Variants in ROCK2 observed in about 807,000 individuals in gnomAD.
The protein encoded by ROCK2 is rho-associated protein kinase 2.
Under a neutral mutation model 195.1 loss-of-function variants are expected in ROCK2, and 61 were observed. That is an observed-to-expected ratio of 0.31 (90% CI 0.25 to 0.39). The LOEUF (loss-of-function observed/expected upper bound fraction) is 0.39, where lower values mean the gene tolerates loss of function less well. Among genes scored for constraint, ROCK2 ranks in the 10% least tolerant of loss-of-function variants. The probability of loss-of-function intolerance (pLI) is 1.00; values close to 1 mark genes in which losing one functional copy is unlikely to be tolerated. For synonymous variants in ROCK2, 504 were observed against 545.5 expected (o/e 0.92, Z 1.06); for missense variants, 1,109 against 1,637.4 (o/e 0.68, Z 5.57).
intron 1 of ROCK2, among the ~76,000 whole-genome samples, chr2:11,329,931 G>A (rs1668667171): frequency 6.6e-6 from 1 of 152,188 alleles, no homozygotes; most frequent in Non-Finnish European, 1.5e-5. Flanking sequence ...AATAATGCCT[G>A]AGAATATTTT....
chr2:11,194,199 T>C, intron 29 of ROCK2, 57 bp downstream of exon 29: 1 of 720,446 alleles, frequency 1.4e-6, no homozygotes, highest in East Asian at 2.8e-5. Flanking sequence ...AATTGCATTG[T>C]TAGTCTCTTA....
chr2:11,308,331 A>T, intron 1 of ROCK2: 1 of 1,146,522 alleles, frequency 8.7e-7, no homozygotes, highest in Non-Finnish European at 1.3e-6. Flanking sequence ...ATTCTTACAT[A>T]TAATAAAGAA....
chr2:11,188,393 A>C (rs1663283849), intron 32 of ROCK2, among the ~76,000 whole-genome samples: 1 of 152,112 alleles, frequency 6.6e-6, no homozygotes, highest in Non-Finnish European at 1.5e-5. Context: ...TACAGGTGTG[A>C]GCCACCGCGC....
intron 3 of ROCK2, among the ~76,000 whole-genome samples, chr2:11,273,094 CAA>C (rs34784074): frequency 1.2e-3 from 27 of 21,748 alleles, no homozygotes; most frequent in South Asian, 2.9e-3. Flanking sequence ...AAATAAGGGT[CAA>C]AAAAAAAAAA....
At chr2:11,202,195 G>A in intron 20 of ROCK2, 74 bp from the exon 21 acceptor site, 1 of 1,233,614 alleles carries the variant, frequency 8.1e-7, no homozygotes. Flanking sequence ...AGTATGGTCT[G>A]GGGGAAGCCC....
At chr2:11,252,857 T>C (rs933352352) in intron 3 of ROCK2, among the ~76,000 whole-genome samples, 1 of 151,832 alleles carries the variant, frequency 6.6e-6, no homozygotes, top group Admixed American at 6.6e-5. Flanking sequence ...GACAGGTTGA[T>C]GGGTGCAGCA....
intron 3 of ROCK2, among the ~76,000 whole-genome samples, chr2:11,278,543 C>A (rs1445895425): frequency 6.6e-6 from 1 of 152,214 alleles, no homozygotes; most frequent in Non-Finnish European, 1.5e-5. Context: ...GATACCTCTA[C>A]TAAATAATGA....
rs1664803185 is a variant in ROCK2 at position 11,226,127 on chromosome 2, A to C, written c.868+1127T>G. Among the ~76,000 whole-genome samples, 3 of 152,190 alleles carry C rather than the reference A, an allele frequency of 2.0e-5. No individual in the cohort carries two copies. In the South Asian group the frequency reaches 6.2e-4, roughly 32 times the overall value. ...TTTTAACTCTAATTAATTCCATATTATGTTATTAGCCTTGACATACTTGCC... is the reference window on the plus strand; with the variant it reads ...TTTTAACTCTAATTAATTCCATATTCTGTTATTAGCCTTGACATACTTGCC... On this transcript the variant is annotated intron_variant, in intron 6 of 32. Coordinates refer to ENST00000315872, the MANE Select transcript of ROCK2 (RefSeq NM_004850.5).
intron 18 of ROCK2, among the ~76,000 whole-genome samples, chr2:11,209,728 C>T (rs1253483685): frequency 2.0e-5 from 3 of 152,122 alleles, no homozygotes; most frequent in African/African-American, 4.8e-5. Context: ...GGCTCCTCTG[C>T]TTTTTCATAA....
intron 1 of ROCK2, among the ~76,000 whole-genome samples, chr2:11,304,860 A>G (rs753016286): frequency 6.6e-6 from 1 of 152,200 alleles, no homozygotes; most frequent in Non-Finnish European, 1.5e-5. Context: ...GGCACTAACA[A>G]GTAGGGAAAA....
In ROCK2 at chr2:11,201,458, A is replaced by G; in HGVS notation, c.2620-45T>C. 9.8e-7 allele frequency: 1 copy of G among 1,021,212 alleles called. No homozygotes were observed. Among genetic ancestry groups the G allele is most frequent in the Non-Finnish European group, 1.5e-6 (1 of 650,420 alleles). The allele number at this position is 1,021,212 out of a possible 1,614,324, so 63.3% of individuals were successfully genotyped here. A position where few individuals can be genotyped will look rare whatever the true frequency, so the allele number is the denominator to read the frequency against. The stretch of plus-strand genomic sequence containing the variant: ...AGAAATGCGTATCATCATCAGAAAT[A>G]TTACTTCTACATTCAAAAGCTATTC... On this transcript the variant is annotated intron_variant, in intron 21 of 32. Transcript: ENST00000315872. This position sits in a 1 kb window ranked among gnomAD's most constrained non-coding sequence, Gnocchi z 4.6.
intron 32 of ROCK2, among the ~76,000 whole-genome samples, chr2:11,187,304 G>A (rs1323580165): frequency 1.3e-5 from 2 of 152,184 alleles, no homozygotes; most frequent in African/African-American, 2.4e-5. Context: ...TGTAAACAGC[G>A]TGATGACATC....
chr2:11,335,108 T>TACACACAC lies in ROCK2; in HGVS notation c.141+8880_141+8887dup, dbSNP rs59721285. 1.4e-3 allele frequency among the ~76,000 whole-genome samples: 201 copies of TACACACAC among 145,126 alleles called. 1 individual carries two copies. The highest frequency in any genetic ancestry group is 4.9e-3 in the African/African-American group (191 of 38,992). ...AATCCAAATAGTTCCCTTTGACTGA[T>TACACACAC]ACACACACACACACACACACACACA... On this transcript the variant is annotated intron_variant, in intron 1 of 32. Coordinates refer to ENST00000315872, the MANE Select transcript of ROCK2 (RefSeq NM_004850.5).
rs771940265 is a variant in ROCK2, at chr2:11,207,785, T to A, written c.2490A>T (p.Glu830Asp). Residue 830 changes from glutamate (E) to aspartate (D), a missense_variant, in exon 20 of 33, where the codon GAA becomes GAT. Physicochemically the swap from Glu to Asp is conservative, Grantham distance 45. This residue lies in a region of ROCK2 where 542 missense variants were observed against 672.0 expected (regional missense o/e 0.81). Transcript: ENST00000315872. The part of the protein sequence containing the change: ...LKMSEKQLKQ[E>D]NNHLMEMKMN... ...TTTTCATTTCCATGAGATGGTTATT[T>A]TCTTGCTTTAACTGCTTTTCTGACA... The A allele has an allele frequency of 1.9e-6, 3 of 1,611,464 alleles. No individual in the cohort carries two copies.
intron 4 of ROCK2, among the ~76,000 whole-genome samples, chr2:11,246,307 C>T (rs1012942574): frequency 7.2e-5 from 11 of 152,114 alleles, no homozygotes; most frequent in African/African-American, 2.7e-4. Context: ...ATCTAGGTTT[C>T]TTCAACCTGG....
intron 7 of ROCK2, among the ~76,000 whole-genome samples, chr2:11,222,800 A>C (rs948626785): frequency 1.3e-5 from 2 of 152,150 alleles, no homozygotes; most frequent in Admixed American, 1.3e-4. Context: ...GTTTAACATA[A>C]ATAGGAAAAC....
chr2:11,218,809 A>C, intron 10 of ROCK2, 157 bp downstream of exon 10: 1 of 504,658 alleles, frequency 2.0e-6, no homozygotes, highest in Non-Finnish European at 3.6e-6. Flanking sequence ...ATTCACATAA[A>C]TCAATCATTG....
chr2:11,324,655 T>C (rs938139596), intron 1 of ROCK2, among the ~76,000 whole-genome samples: 1 of 152,164 alleles, frequency 6.6e-6, no homozygotes, highest in African/African-American at 2.4e-5. Flanking sequence ...AAAATGCATA[T>C]TGCTAAGTAA....
At chr2:11,278,822 C>T (rs1666911066) in intron 3 of ROCK2, among the ~76,000 whole-genome samples, 1 of 152,150 alleles carries the variant, frequency 6.6e-6, no homozygotes, top group Non-Finnish European at 1.5e-5. Context: ...CCATGTTCGC[C>T]AGGCTGGTCT....
Sources: gnomAD v4.1 joint callset for allele counts (sites outside exome capture counted in the v4.1 genomes callset) on GRCh38, gnomAD v4.1.1 for gene constraint, gnomAD v4.1.1 regional missense constraint, Gnocchi (gnomAD v3.1) non-coding constraint, MANE v1.5 for transcripts, NCBI Gene and HGNC (gene_info 2026-07-23, HGNC 2026-07-21) for gene names.